Variants in MUC12 observed in about 807,000 individuals in gnomAD.
MUC12 encodes mucin 12, cell surface associated, also known as mucin-12.
In MUC12, 172 loss-of-function variants were observed where a neutral mutation model predicts 230.8. The observed-to-expected ratio is 0.75, with a 90% CI of 0.66 to 0.85. The LOEUF (loss-of-function observed/expected upper bound fraction) is 0.85. MUC12 is among the 40% of genes least tolerant of loss of function. The probability of loss-of-function intolerance (pLI) is 0.00; values close to 1 mark genes in which losing one functional copy is unlikely to be tolerated. For synonymous variants in MUC12, 1,259 were observed against 2,401.9 expected (o/e 0.52, Z 13.91); for missense variants, 3,506 against 5,920.6 (o/e 0.59, Z 13.38).
At chr7:101,008,982 A>G (rs1793800460) in intron 4 of MUC12, 113 bp from the exon 5 acceptor site, 4 of 1,344,016 alleles carry the variant, frequency 3.0e-6, no homozygotes, top group Middle Eastern at 2.5e-4. Context: ...GGTTCCTCCT[A>G]TGGGAGCTTA....
At chr7:101,007,783 G>T (rs1055082734) in intron 3 of MUC12, among the ~76,000 whole-genome samples, 1 of 152,086 alleles carries the variant, frequency 6.6e-6, no homozygotes, top group Non-Finnish European at 1.5e-5. Context: ...TTGCTGGATT[G>T]TATGGTAGCT....
intron 1 of MUC12, among the ~76,000 whole-genome samples, chr7:100,970,860 G>A (rs1171169123): frequency 6.6e-6 from 1 of 152,140 alleles, no homozygotes; most frequent in Non-Finnish European, 1.5e-5. Flanking sequence ...AGCCGGGCGA[G>A]GTGGCGGGCA....
In MUC12 at chr7:101,005,319, C is replaced by T; in HGVS notation, c.14756C>T (p.Pro4919Leu). Residue 4919 changes from proline (P) to leucine (L), a missense_variant, in exon 2 of 12, where the codon CCC (proline) becomes CTC (leucine). Coordinates refer to ENST00000536621, the MANE Select transcript of MUC12 (RefSeq NM_001164462.2). Reference sequence around the variant, plus strand: ...AGCTCAGACGCAACTGGAACAACACCCTTACCTGCCCGCTCCACAGCCTCA... The same window carrying T: ...AGCTCAGACGCAACTGGAACAACACTCTTACCTGCCCGCTCCACAGCCTCA... ...HSSSDATGTT[P>L]LPARSTASDL... is the part of the protein sequence containing the mutation. The T allele has an allele frequency of 1.3e-6, 2 of 1,537,922 alleles. No individual in the cohort carries two copies. Among genetic ancestry groups the T allele is most frequent in the Non-Finnish European group, 1.7e-6 (2 of 1,147,070 alleles).
chr7:101,007,123 T>C (rs1402074534), intron 3 of MUC12, among the ~76,000 whole-genome samples: 1 of 152,126 alleles, frequency 6.6e-6, no homozygotes, highest in Non-Finnish European at 1.5e-5. Context: ...CATGCCTGGC[T>C]AATTTTTGTA....
In MUC12 at chr7:101,004,533, G is replaced by T. The variant is rs1316686664; in HGVS notation, c.13970G>T (p.Ser4657Ile). The change falls in exon 2 of 12, where the codon AGC (serine) becomes ATC (isoleucine). Residue 4657 changes from serine to isoleucine, a missense_variant. Transcript: ENST00000536621. The part of the protein sequence containing the change: ...TTSALVEEPT[S>I]YHSSPGSIAT... ...TCTGCCCTTGTTGAAGAACCTACCA[G>T]CTACCACAGCAGCCCGGGCTCAATT... is the stretch of plus-strand genomic sequence containing the variant. The T allele has an allele frequency of 5.2e-6, 8 of 1,528,720 alleles. No individual in the cohort carries two copies. The highest frequency in any genetic ancestry group is 1.7e-4 in the Middle Eastern group (1 of 5,970). 94.7% of individuals were successfully genotyped at this position (1,528,720 alleles called of 1,614,324 possible). A position where few individuals can be genotyped will look rare whatever the true frequency, so the allele number is the denominator to read the frequency against.
rs1404363587 is a variant in MUC12, at chr7:100,991,736, C to T, written c.1173C>T (p.Gly391=). 5 of 1,537,988 alleles carry T rather than the reference C, an allele frequency of 3.3e-6. No homozygotes were observed. Among genetic ancestry groups the T allele is most frequent in the East Asian group, 2.4e-5 (1 of 40,928 alleles). The part of the protein sequence containing the change: ...GHSEESATFH[G]STTHTKSSTP... ...GTGAAGAATCAGCAACTTTCCACGG[C>T]AGCACAACACACACAAAATCTTCAA... is the stretch of plus-strand genomic sequence containing the variant. Residue 391 remains glycine (G), a synonymous_variant, in exon 2 of 12, where the codon GGC becomes GGT. Coordinates refer to ENST00000536621, the MANE Select transcript of MUC12 (RefSeq NM_001164462.2).
Position 100,990,908 on chromosome 7 carries a change from T to C in MUC12, c.345T>C (p.Thr115=), listed in dbSNP as rs986501625. ...FVGEPKTSPI[T]SASMETTALP... ...GAGAACCTAAAACCTCACCCATCAC[T>C]TCAGCCTCAATGGAAACAACAGCGT... Residue 115 remains threonine (T), a synonymous_variant, in exon 2 of 12, where the codon ACT becomes ACC. Coordinates refer to ENST00000536621, the MANE Select transcript of MUC12 (RefSeq NM_001164462.2). 2 of 1,537,674 alleles carry C rather than the reference T, an allele frequency of 1.3e-6. No homozygotes were observed. Among genetic ancestry groups the C allele is most frequent in the African/African-American group, 2.7e-5 (2 of 72,982 alleles).
intron 1 of MUC12, among the ~76,000 whole-genome samples, chr7:100,971,043 C>T (rs1296457234): frequency 6.6e-6 from 1 of 152,124 alleles, no homozygotes; most frequent in African/African-American, 2.4e-5. Flanking sequence ...GTAGTCTCAG[C>T]TACTCAGGAG....
chr7:101,006,175 C>A (rs1326519242), intron 2 of MUC12, among the ~76,000 whole-genome samples: 1 of 152,162 alleles, frequency 6.6e-6, no homozygotes, highest in East Asian at 1.9e-4. Flanking sequence ...AACTCTTTCT[C>A]CTCCCTGTTC....
In MUC12 at chr7:101,018,702, C is replaced by T; in HGVS notation, c.*66C>T. ...AGAGCTGCAAACACAGAGCCCACCA[C>T]AAGCCTCCGGGGCGGGTCAAGAGGA... On this transcript the variant is annotated 3_prime_UTR_variant, in exon 12 of 12. Coordinates refer to ENST00000536621, the MANE Select transcript of MUC12 (RefSeq NM_001164462.2). 1.4e-6 allele frequency: 2 copies of T among 1,477,772 alleles called. No individual in the cohort carries two copies. The highest frequency in any genetic ancestry group is 1.8e-6 in the Non-Finnish European group (2 of 1,106,186). The allele number at this position is 1,477,772 out of a possible 1,614,324, so 91.5% of individuals were successfully genotyped here. A position where few individuals can be genotyped will look rare whatever the true frequency, so the allele number is the denominator to read the frequency against.
chr7:100,986,041 C>T (rs889429895), intron 1 of MUC12, among the ~76,000 whole-genome samples: 2 of 152,072 alleles, frequency 1.3e-5, no homozygotes, highest in Non-Finnish European at 2.9e-5. Flanking sequence ...GAGGATTGGG[C>T]AAAACCACAA....
In MUC12 at chr7:100,993,829, C is replaced by A; in HGVS notation, c.3266C>A (p.Pro1089His). ...SPGSTEITTL[P>H]GSTTTPGLSE... Reference sequence around the variant, plus strand: ...GGCTCAACTGAAATAACAACGTTACCTGGCAGTACCACAACACCAGGCCTC... The same window carrying A: ...GGCTCAACTGAAATAACAACGTTACATGGCAGTACCACAACACCAGGCCTC... The change falls in exon 2 of 12, where the codon CCT (proline) becomes CAT (histidine). Residue 1089 changes from proline to histidine, a missense_variant. Pro to His is a moderately conservative substitution (Grantham distance 77, BLOSUM62 -2). Transcript: ENST00000536621. 1 of 1,474,038 alleles carries A rather than the reference C, an allele frequency of 6.8e-7. No homozygotes were observed. The allele number at this position is 1,474,038 out of a possible 1,614,324, so 91.3% of individuals were successfully genotyped here. A position where few individuals can be genotyped will look rare whatever the true frequency, so the allele number is the denominator to read the frequency against.
At chr7:101,013,691 C>T (rs1793873967) in intron 8 of MUC12, among the ~76,000 whole-genome samples, 1 of 152,128 alleles carries the variant, frequency 6.6e-6, no homozygotes, top group Admixed American at 6.5e-5. Flanking sequence ...TCCCCTTGAG[C>T]CCTAGTCATT....
At chr7:100,985,003 A>AT (rs1793167237) in intron 1 of MUC12, among the ~76,000 whole-genome samples, 1 of 152,014 alleles carries the variant, frequency 6.6e-6, no homozygotes, top group Non-Finnish European at 1.5e-5. Context: ...AGTAGCTGGG[A>AT]TTACAGGCAC....
chr7:100,970,168 G>A (rs572532264), intron 1 of MUC12, among the ~76,000 whole-genome samples: 1 of 152,422 alleles, frequency 6.6e-6, no homozygotes, highest in East Asian at 1.9e-4. Context: ...AGCCTCAGGT[G>A]CACCCGGGGA....
intron 10 of MUC12, among the ~76,000 whole-genome samples, chr7:101,015,980 G>A (rs978312757): frequency 6.6e-6 from 1 of 152,172 alleles, no homozygotes; most frequent in Non-Finnish European, 1.5e-5. Context: ...CCAGGGCAGA[G>A]GGAGCAGAGG....
At chr7:100,990,141 G>A (rs757130635) in intron 1 of MUC12, among the ~76,000 whole-genome samples, 4 of 152,190 alleles carry the variant, frequency 2.6e-5, no homozygotes, top group Non-Finnish European at 5.9e-5. Context: ...GAACTGGTCC[G>A]TGGCCTGTCA....
At chr7:100,982,716 G>T (rs1306229484) in intron 1 of MUC12, among the ~76,000 whole-genome samples, 1 of 149,186 alleles carries the variant, frequency 6.7e-6, no homozygotes, top group Non-Finnish European at 1.5e-5. Flanking sequence ...GGCATGAGCT[G>T]CCACATCTGG....
chr7:101,014,972 C>A (rs1437609259), intron 9 of MUC12, among the ~76,000 whole-genome samples: 3 of 152,002 alleles, frequency 2.0e-5, no homozygotes, highest in African/African-American at 7.3e-5. Flanking sequence ...TTATTACACA[C>A]CCACTTTTGA....
Sources: gnomAD v4.1 joint callset for allele counts (sites outside exome capture counted in the v4.1 genomes callset) on GRCh38, gnomAD v4.1.1 for gene constraint, MANE v1.5 for transcripts, NCBI Gene and HGNC (gene_info 2026-07-23, HGNC 2026-07-21) for gene names.